KLHL29: variants seen among roughly 807,000 people sequenced by gnomAD.
KLHL29 encodes kelch like family member 29.
A neutral mutation model predicts 80.4 loss-of-function variants in KLHL29; 21 were observed. The ratio of observed to expected loss-of-function variants is 0.26; its 90% CI spans 0.19 to 0.38. KLHL29 has a LOEUF of 0.38. KLHL29 is among the 10% of genes least tolerant of loss of function. The pLI, the probability that KLHL29 is intolerant of heterozygous loss-of-function variation, is 1.00. For synonymous variants in KLHL29, 511 were observed against 526.8 expected (o/e 0.97, Z 0.41); for missense variants, 867 against 1,223.9 (o/e 0.71, Z 4.35).
At chr2:23,519,908 G>T (rs1354672780) in intron 2 of KLHL29, among the ~76,000 whole-genome samples, 1 of 152,066 alleles carries the variant, frequency 6.6e-6, no homozygotes, top group African/African-American at 2.4e-5. Flanking sequence ...AATCAGATAT[G>T]AATCTATCTC....
chr2:23,599,140 T>C (rs1365218044), intron 3 of KLHL29, among the ~76,000 whole-genome samples: 1 of 152,244 alleles, frequency 6.6e-6, no homozygotes, highest in Non-Finnish European at 1.5e-5. Context: ...ATGATGAAGA[T>C]AAATGCATGT....
intron 3 of KLHL29, among the ~76,000 whole-genome samples, chr2:23,571,106 G>A (rs1667705863): frequency 6.6e-6 from 1 of 152,228 alleles, no homozygotes; most frequent in South Asian, 2.1e-4. Flanking sequence ...CAGGACAAGG[G>A]GACTCAGCAT....
intron 2 of KLHL29, among the ~76,000 whole-genome samples, chr2:23,504,009 G>A (rs1572361959): frequency 1.3e-5 from 2 of 152,160 alleles, no homozygotes; most frequent in South Asian, 2.1e-4. Context: ...AGAGGTCCCT[G>A]AGGGCCAAGA....
At chr2:23,493,734 C>G (rs190097085) in intron 2 of KLHL29, among the ~76,000 whole-genome samples, 39 of 152,108 alleles carry the variant, frequency 2.6e-4, no homozygotes, top group Middle Eastern at 3.4e-3. Context: ...CGTGTGGTCA[C>G]TTGAACAAGT....
At chr2:23,422,112 C>T (rs1364602413) in intron 1 of KLHL29, among the ~76,000 whole-genome samples, 3 of 149,192 alleles carry the variant, frequency 2.0e-5, no homozygotes, top group East Asian at 4.1e-4. Flanking sequence ...GTGAGTGTGT[C>T]AGTATGGGTG....
chr2:23,607,816 C>G (rs1668766270), intron 3 of KLHL29, among the ~76,000 whole-genome samples: 1 of 152,190 alleles, frequency 6.6e-6, no homozygotes, highest in South Asian at 2.1e-4. Flanking sequence ...AACCATCTCC[C>G]CACACCCCCA....
At chr2:23,526,031 G>A (rs916609647) in intron 2 of KLHL29, among the ~76,000 whole-genome samples, 24 of 152,204 alleles carry the variant, frequency 1.6e-4, no homozygotes, top group Admixed American at 1.1e-3. Context: ...GTGGATGTTG[G>A]GCCCTAATGT....
At chr2:23,656,827 T>C (rs1009488933) in intron 5 of KLHL29, among the ~76,000 whole-genome samples, 2 of 152,022 alleles carry the variant, frequency 1.3e-5, no homozygotes, top group East Asian at 3.9e-4. Flanking sequence ...GCTGAGCATC[T>C]TCCAGACTGA....
At chr2:23,522,841 G>C (rs1489638084) in intron 2 of KLHL29, among the ~76,000 whole-genome samples, 2 of 152,216 alleles carry the variant, frequency 1.3e-5, no homozygotes, top group African/African-American at 4.8e-5. Flanking sequence ...TTCCCCTGCT[G>C]CCGCCACAGA....
intron 1 of KLHL29, among the ~76,000 whole-genome samples, chr2:23,465,337 C>G (rs1664318620): frequency 6.6e-6 from 1 of 152,226 alleles, no homozygotes; most frequent in Admixed American, 6.5e-5. Context: ...GCATCACCTG[C>G]TCATGCCTCT....
At chr2:23,390,142 A>G (rs2103381539) in intron 1 of KLHL29, among the ~76,000 whole-genome samples, 1 of 152,350 alleles carries the variant, frequency 6.6e-6, no homozygotes, top group Non-Finnish European at 1.5e-5. Context: ...AGGAAAACTG[A>G]AACTGCCAAT....
At chr2:23,469,185 C>A (rs1213436875) in intron 1 of KLHL29, among the ~76,000 whole-genome samples, 2 of 152,206 alleles carry the variant, frequency 1.3e-5, no homozygotes, top group Non-Finnish European at 2.9e-5. Flanking sequence ...AGGGGCAATG[C>A]CCCTGAGGGC....
At chr2:23,543,551 C>G (rs1035104685) in intron 2 of KLHL29, among the ~76,000 whole-genome samples, 2 of 152,150 alleles carry the variant, frequency 1.3e-5, no homozygotes, top group Non-Finnish European at 2.9e-5. Flanking sequence ...ATGTCCCTGC[C>G]CTCTGAAGTT....
At chr2:23,443,137 T>A (rs13413299) in intron 1 of KLHL29, among the ~76,000 whole-genome samples, 1 of 151,994 alleles carries the variant, frequency 6.6e-6, no homozygotes, top group African/African-American at 2.4e-5. Flanking sequence ...TAGGGATACC[T>A]ACCACCTAGA....
intron 5 of KLHL29, among the ~76,000 whole-genome samples, chr2:23,677,265 A>G (rs1002027101): frequency 1.7e-4 from 26 of 152,216 alleles, no homozygotes; most frequent in African/African-American, 5.8e-4. Flanking sequence ...ACTGCTCAGT[A>G]AATAGGCCTT....
chr2:23,422,416 G>T (rs1422049037), intron 1 of KLHL29, among the ~76,000 whole-genome samples: 1 of 151,546 alleles, frequency 6.6e-6, no homozygotes, highest in East Asian at 1.9e-4. Context: ...TGTCTGTGTT[G>T]TGTGTGTGCC....
chr2:23,494,474 A>T (rs974105577), intron 2 of KLHL29, among the ~76,000 whole-genome samples: 2 of 152,194 alleles, frequency 1.3e-5, no homozygotes, highest in Non-Finnish European at 2.9e-5. Context: ...CACAGGCCTG[A>T]GCATCTTTTT....
At chr2:23,554,895 C>A (rs1251954152) in intron 2 of KLHL29, among the ~76,000 whole-genome samples, 1 of 152,174 alleles carries the variant, frequency 6.6e-6, no homozygotes, top group Non-Finnish European at 1.5e-5. Context: ...CGACACCGCC[C>A]CCCAACACAC....
At chr2:23,657,099 C>T (rs1670268112) in intron 5 of KLHL29, among the ~76,000 whole-genome samples, 1 of 152,088 alleles carries the variant, frequency 6.6e-6, no homozygotes, top group African/African-American at 2.4e-5. Context: ...AAGTGGGGTC[C>T]TCTGAGGACA....
Sources: gnomAD v4.1 joint callset for allele counts (sites outside exome capture counted in the v4.1 genomes callset) on GRCh38, gnomAD v4.1.1 for gene constraint, MANE v1.5 for transcripts, NCBI Gene and HGNC (gene_info 2026-07-23, HGNC 2026-07-21) for gene names.